PTPRD: variants seen among roughly 807,000 people sequenced by gnomAD.
PTPRD encodes the protein receptor-type tyrosine-protein phosphatase delta.
A neutral mutation model predicts 214.5 loss-of-function variants in PTPRD; 34 were observed. The observed-to-expected ratio is 0.16, with a 90% CI of 0.12 to 0.21. The LOEUF is 0.21. Among genes scored for constraint, PTPRD ranks in the 10% least tolerant of loss-of-function variants. The probability of loss-of-function intolerance (pLI) is 1.00; values close to 1 mark genes in which losing one functional copy is unlikely to be tolerated. For synonymous variants in PTPRD, 1,128 were observed against 845.7 expected (o/e 1.33, Z -5.79); for missense variants, 2,545 against 2,398.7 (o/e 1.06, Z -1.27).
intron 12 of PTPRD, among the ~76,000 whole-genome samples, chr9:8,697,416 A>ATTTT (rs2097941199): frequency 1.3e-5 from 1 of 74,672 alleles, no homozygotes; most frequent in Non-Finnish European, 2.8e-5. Context: ...ATTTTTATGT[A>ATTTT]CTTTTTTTTT....
intron 8 of PTPRD, among the ~76,000 whole-genome samples, chr9:9,485,636 A>G (rs1332252920): frequency 6.6e-6 from 1 of 152,208 alleles, no homozygotes; most frequent in African/African-American, 2.4e-5. Context: ...ATTTTATGCC[A>G]TAATTCCACA....
intron 11 of PTPRD, among the ~76,000 whole-genome samples, chr9:8,944,326 T>G (rs894467751): frequency 1.3e-5 from 2 of 152,098 alleles, no homozygotes; most frequent in Non-Finnish European, 2.9e-5. Context: ...GTATACTCAC[T>G]AGGGACAACA....
chr9:8,481,373 C>A (rs1426061043), intron 30 of PTPRD, among the ~76,000 whole-genome samples: 1 of 151,990 alleles, frequency 6.6e-6, no homozygotes, highest in Non-Finnish European at 1.5e-5. Flanking sequence ...AAAGTGTACC[C>A]AGGAAAGGTT....
At chr9:9,662,009 T>C (rs974685195) in intron 7 of PTPRD, among the ~76,000 whole-genome samples, 20 of 151,872 alleles carry the variant, frequency 1.3e-4, no homozygotes, top group Middle Eastern at 3.4e-3. Flanking sequence ...ACCAAACACA[T>C]GTATGATATA....
chr9:8,754,909 A>T (rs1050192643), intron 11 of PTPRD, among the ~76,000 whole-genome samples: 1 of 152,194 alleles, frequency 6.6e-6, no homozygotes, highest in African/African-American at 2.4e-5. Context: ...TAAACAGGCA[A>T]TTCACAAAAG....
At chr9:8,432,069 C>T (rs1460810645) in intron 35 of PTPRD, among the ~76,000 whole-genome samples, 1 of 152,192 alleles carries the variant, frequency 6.6e-6, no homozygotes, top group Non-Finnish European at 1.5e-5. Flanking sequence ...AAATAGGCAA[C>T]CAAATGATCT....
At chr9:8,532,880 C>A (rs1239426380) in intron 14 of PTPRD, among the ~76,000 whole-genome samples, 2 of 151,972 alleles carry the variant, frequency 1.3e-5, no homozygotes, top group East Asian at 3.9e-4. Flanking sequence ...TATGCTGATA[C>A]AAAACTTTCA....
intron 2 of PTPRD, among the ~76,000 whole-genome samples, chr9:10,599,109 T>A (rs1481761199): frequency 1.3e-5 from 2 of 151,660 alleles, no homozygotes; most frequent in African/African-American, 2.4e-5. Flanking sequence ...TTGGACCTAT[T>A]TTCCTTGATT....
At chr9:9,884,053 T>C (rs2069835321) in intron 5 of PTPRD, among the ~76,000 whole-genome samples, 1 of 152,142 alleles carries the variant, frequency 6.6e-6, no homozygotes, top group Non-Finnish European at 1.5e-5. Context: ...CTAAGACTTA[T>C]TCCCAAATAT....
chr9:10,445,113 G>T (rs980594338), intron 2 of PTPRD, among the ~76,000 whole-genome samples: 1 of 151,950 alleles, frequency 6.6e-6, no homozygotes, highest in African/African-American at 2.4e-5. Flanking sequence ...GGAATTTCTT[G>T]TGGACAAAAA....
At chr9:8,658,015 G>C (rs1596264703) in intron 12 of PTPRD, among the ~76,000 whole-genome samples, 1 of 152,078 alleles carries the variant, frequency 6.6e-6, no homozygotes, top group Admixed American at 6.6e-5. Flanking sequence ...AATATTGCTT[G>C]TCTTTTTAAT....
chr9:10,041,276 C>T (rs1027132505), intron 3 of PTPRD, among the ~76,000 whole-genome samples: 2 of 151,834 alleles, frequency 1.3e-5, no homozygotes, highest in African/African-American at 4.8e-5. Context: ...GAAAGACTGA[C>T]TATATCCTTG....
chr9:8,497,176 G>T lies in PTPRD; in HGVS notation c.2349+66C>A, dbSNP rs1004748406. 6 of 1,354,826 alleles carry T rather than the reference G, an allele frequency of 4.4e-6. No homozygotes were observed. The Admixed American group carries it at 1.4e-4, about 32-fold the overall frequency. 83.9% of individuals were successfully genotyped at this position (1,354,826 alleles called of 1,614,324 possible). A position where few individuals can be genotyped will look rare whatever the true frequency, so the allele number is the denominator to read the frequency against. On this transcript the variant is annotated intron_variant, in intron 26 of 45. Coordinates refer to ENST00000381196, the MANE Select transcript of PTPRD (RefSeq NM_002839.4). ...CTGTGATGACAGATCACAAATAAGTGAAAGGATGTCAGAGAAAACAAGCAT... is the reference window on the plus strand; with the variant it reads ...CTGTGATGACAGATCACAAATAAGTTAAAGGATGTCAGAGAAAACAAGCAT...
chr9:8,546,221 C>T (rs2080099145), intron 14 of PTPRD, among the ~76,000 whole-genome samples: 1 of 152,098 alleles, frequency 6.6e-6, no homozygotes, highest in African/African-American at 2.4e-5. Flanking sequence ...AATATAAAAA[C>T]TGATTTTGGT....
chr9:8,554,965 A>G (rs944641732), intron 14 of PTPRD, among the ~76,000 whole-genome samples: 3 of 150,756 alleles, frequency 2.0e-5, no homozygotes, highest in African/African-American at 7.5e-5. Context: ...TTAGCTATTG[A>G]AAATCCAATT....
At chr9:8,832,457 T>G (rs970885788) in intron 11 of PTPRD, among the ~76,000 whole-genome samples, 1 of 125,568 alleles carries the variant, frequency 8.0e-6, no homozygotes, top group African/African-American at 3.1e-5. Flanking sequence ...AATGTGAAAA[T>G]TATGGGGAAA....
At chr9:8,591,947 G>GA (rs1254619332) in intron 14 of PTPRD, among the ~76,000 whole-genome samples, 2 of 152,096 alleles carry the variant, frequency 1.3e-5, no homozygotes, top group African/African-American at 4.8e-5. Context: ...TCTGGACAGA[G>GA]AAAAAATAAA....
intron 2 of PTPRD, among the ~76,000 whole-genome samples, chr9:10,531,677 T>A (rs1398667686): frequency 3.9e-5 from 6 of 152,198 alleles, no homozygotes; most frequent in African/African-American, 1.2e-4. Flanking sequence ...GGTGTATGCA[T>A]GTATGCATTT....
chr9:8,801,143 G>C (rs1054335564), intron 11 of PTPRD, among the ~76,000 whole-genome samples: 2 of 152,146 alleles, frequency 1.3e-5, no homozygotes, highest in Non-Finnish European at 2.9e-5. Flanking sequence ...AGATCATGAT[G>C]ATGGTAGTTC....
Sources: gnomAD v4.1 joint callset for allele counts (sites outside exome capture counted in the v4.1 genomes callset) on GRCh38, gnomAD v4.1.1 for gene constraint, MANE v1.5 for transcripts, NCBI Gene and HGNC (gene_info 2026-07-23, HGNC 2026-07-21) for gene names.